The following TMEM245 variants were observed in gnomAD, a reference collection of about 807,000 sequenced individuals.
The protein encoded by TMEM245 is transmembrane protein 245.
A neutral mutation model predicts 101.2 loss-of-function variants in TMEM245; 69 were observed. That is an observed-to-expected ratio of 0.68 (90% CI 0.56 to 0.83). The LOEUF (loss-of-function observed/expected upper bound fraction) is 0.83, where lower values mean the gene tolerates loss of function less well. TMEM245 is among the 40% of genes least tolerant of loss of function. The pLI, the probability that TMEM245 is intolerant of heterozygous loss-of-function variation, is 0.00. For synonymous variants in TMEM245, 537 were observed against 449.8 expected, an observed-to-expected ratio of 1.19 and a Z score of -2.45; for missense variants, 1,075 against 1,092.8, an observed-to-expected ratio of 0.98 and a Z score of 0.23.
At chr9:109,083,008 G>A (rs916390506) in intron 7 of TMEM245, among the ~76,000 whole-genome samples, 1 of 152,032 alleles carries the variant, frequency 6.6e-6, no homozygotes, top group African/African-American at 2.4e-5. Flanking sequence ...TAAGTTAGCT[G>A]AGAACAGGAC....
intron 8 of TMEM245, among the ~76,000 whole-genome samples, chr9:109,078,202 C>A (rs1829569618): frequency 6.6e-6 from 1 of 152,178 alleles, no homozygotes; most frequent in African/African-American, 2.4e-5. Flanking sequence ...CAGCCCTCTT[C>A]TTTGTGCTAT....
chr9:109,064,721 C>A (rs1284258692), intron 9 of TMEM245, among the ~76,000 whole-genome samples, 154 bp from the exon 10 acceptor site: 1 of 152,226 alleles, frequency 6.6e-6, no homozygotes, highest in African/African-American at 2.4e-5. Context: ...GACTTCCAGG[C>A]TTAACTGTCC....
At position 109,119,699 on chromosome 9, in the gene TMEM245, A is replaced by G. The variant is rs1352902362; in HGVS notation, c.215T>C (p.Leu72Pro). The G allele has an allele frequency of 1.9e-6, 3 of 1,551,410 alleles. No individual in the cohort carries two copies. The highest frequency in any genetic ancestry group is 2.6e-6 in the Non-Finnish European group (3 of 1,152,218). The change falls in exon 1 of 18, where the codon CTG becomes CCG. Residue 72 changes from leucine to proline, a missense_variant. Around this residue, in one of 2 missense-constraint regions of TMEM245, gnomAD observed 808 missense variants for 741.5 expected, o/e 1.09. Coordinates refer to ENST00000374586, the MANE Select transcript of TMEM245 (RefSeq NM_032012.4). Reference protein sequence around the residue: ...FVCLCCGAAVLVYFILEAFLR... With the variant: ...FVCLCCGAAVPVYFILEAFLR... ...GAAGGCCTCCAGGATGAAGTAGACC[A>G]GCACCGCGGCGCCGCAGCACAGGCA...
chr9:109,064,007 C>G (rs898565748), intron 10 of TMEM245, among the ~76,000 whole-genome samples: 4 of 152,228 alleles, frequency 2.6e-5, no homozygotes, highest in Non-Finnish European at 4.4e-5. Context: ...CCACTGGGAA[C>G]TGACTCAGCC....
chr9:109,052,133 TTATTA>T (rs111788756), intron 12 of TMEM245, among the ~76,000 whole-genome samples: 20,190 of 152,088 alleles, frequency 0.13, 1,552 homozygotes, highest in African/African-American at 0.19. Context: ...TCAAATCCCC[TTATTA>T]TATTATCTGT....
chr9:109,097,678 G>A (rs1403389609), intron 3 of TMEM245, among the ~76,000 whole-genome samples: 6 of 152,144 alleles, frequency 3.9e-5, no homozygotes, highest in Non-Finnish European at 7.4e-5. Flanking sequence ...CAGCACTTTG[G>A]GAGGCTAAGG....
intron 1 of TMEM245, among the ~76,000 whole-genome samples, chr9:109,114,365 G>A (rs1365507624): frequency 2.0e-5 from 3 of 152,242 alleles, no homozygotes; most frequent in African/African-American, 7.2e-5. Flanking sequence ...AACGGTGTCA[G>A]CAGTGAATGG....
At chr9:109,112,885 AG>A (rs1830604238) in intron 1 of TMEM245, among the ~76,000 whole-genome samples, 1 of 152,060 alleles carries the variant, frequency 6.6e-6, no homozygotes, top group Non-Finnish European at 1.5e-5. Context: ...AGACTAGCCT[AG>A]CCAACATGGT....
intron 5 of TMEM245, among the ~76,000 whole-genome samples, chr9:109,089,123 C>G (rs1336077696): frequency 6.6e-6 from 1 of 151,612 alleles, no homozygotes. Flanking sequence ...AAAACAATAG[C>G]CAGTGGACGC....
chr9:109,024,644 G>GTA (rs1431138160), intron 17 of TMEM245, among the ~76,000 whole-genome samples: 1 of 152,220 alleles, frequency 6.6e-6, no homozygotes, highest in East Asian at 1.9e-4. Context: ...GGTACTTTGA[G>GTA]TATACACCAT....
intron 10 of TMEM245, among the ~76,000 whole-genome samples, chr9:109,064,239 A>G (rs1035188799): frequency 1.3e-5 from 2 of 152,256 alleles, no homozygotes; most frequent in Admixed American, 6.5e-5. Flanking sequence ...GTCCTAACTC[A>G]CAAGTAATGA....
At chr9:109,097,005 G>A (rs1830158589) in intron 3 of TMEM245, among the ~76,000 whole-genome samples, 1 of 152,224 alleles carries the variant, frequency 6.6e-6, no homozygotes, top group African/African-American at 2.4e-5. Flanking sequence ...CTCAAATTCA[G>A]TCTGATACTT....
rs1202886542 is a variant in TMEM245 at position 109,017,259 on chromosome 9, T to C, written c.*3201A>G. The C allele has an allele frequency of 6.6e-6, 1 of 152,230 alleles. No homozygotes were observed. The highest frequency in any genetic ancestry group is 1.5e-5 in the Non-Finnish European group (1 of 68,044). The allele number at this position is 152,230 out of a possible 1,614,324, so 9.4% of individuals were successfully genotyped here. A position where few individuals can be genotyped will look rare whatever the true frequency, so the allele number is the denominator to read the frequency against. On this transcript the variant is annotated 3_prime_UTR_variant, in exon 18 of 18. Coordinates refer to ENST00000374586, the MANE Select transcript of TMEM245 (RefSeq NM_032012.4). The stretch of plus-strand genomic sequence containing the variant: ...ACATACAAGGTCTCCATGTAACATG[T>C]TGGATTTCTTCCCACTGTCATGGGC...
intron 10 of TMEM245, among the ~76,000 whole-genome samples, chr9:109,063,531 T>C (rs1161828325): frequency 6.6e-6 from 1 of 152,218 alleles, no homozygotes; most frequent in Admixed American, 6.6e-5. Context: ...TAGGCACAAG[T>C]CTTACTGCAA....
At chr9:109,082,490 G>A (rs1391468532) in intron 7 of TMEM245, among the ~76,000 whole-genome samples, 2 of 152,184 alleles carry the variant, frequency 1.3e-5, no homozygotes, top group Non-Finnish European at 1.5e-5. Flanking sequence ...AGCTAGGTTT[G>A]TATCACTCCT....
Position 109,093,578 on chromosome 9 carries a change from T to G in TMEM245, c.813A>C (p.Pro271=), listed in dbSNP as rs1469795930. 1 of 1,613,800 alleles carries G rather than the reference T, an allele frequency of 6.2e-7. No homozygotes were observed. Among genetic ancestry groups the G allele is most frequent in the Non-Finnish European group, 8.5e-7 (1 of 1,179,922 alleles). Residue 271 remains proline, a synonymous_variant, in exon 4 of 18, where the codon CCA becomes CCC. Coordinates refer to ENST00000374586, the MANE Select transcript of TMEM245 (RefSeq NM_032012.4). ...NGKESSGAEL[P]GQVISMAAST... ...AAGCTGCCATGGAGATAACCTGCCC[T>G]GGTAACTCTGCCCCTGTAAAAGAAG...
At chr9:109,049,060 TG>T (rs1828590314) in intron 14 of TMEM245, among the ~76,000 whole-genome samples, 1 of 152,090 alleles carries the variant, frequency 6.6e-6, no homozygotes, top group South Asian at 2.1e-4. Context: ...AAGTTGGAGA[TG>T]GGGGTGGTGG....
intron 17 of TMEM245, among the ~76,000 whole-genome samples, chr9:109,022,117 G>A (rs1000221071): frequency 6.6e-6 from 1 of 152,186 alleles, no homozygotes; most frequent in African/African-American, 2.4e-5. Context: ...AGCACTCAAT[G>A]AGGAAAGTAC....
chr9:109,113,043 T>C (rs567654866), intron 1 of TMEM245, among the ~76,000 whole-genome samples: 1 of 152,298 alleles, frequency 6.6e-6, no homozygotes, highest in East Asian at 1.9e-4. Flanking sequence ...GCCACTGCAC[T>C]CCAGCCTGAG....
Sources: gnomAD v4.1 joint callset for allele counts (sites outside exome capture counted in the v4.1 genomes callset) on GRCh38, gnomAD v4.1.1 for gene constraint, gnomAD v4.1.1 regional missense constraint, MANE v1.5 for transcripts, NCBI Gene and HGNC (gene_info 2026-07-23, HGNC 2026-07-21) for gene names.